Variants in RFX4 observed in about 807,000 individuals in gnomAD.
RFX4 encodes the protein regulatory factor X4.
Under a neutral mutation model 95.0 loss-of-function variants are expected in RFX4, and 10 were observed. That is an observed-to-expected ratio of 0.11 (90% CI 0.06 to 0.18). RFX4 has a LOEUF of 0.18. Among genes scored for constraint, RFX4 ranks in the 10% least tolerant of loss-of-function variants. The pLI, the probability that RFX4 is intolerant of heterozygous loss-of-function variation, is 1.00. For synonymous variants in RFX4, 321 were observed against 340.7 expected, an observed-to-expected ratio of 0.94 and a Z score of 0.64; for missense variants, 640 against 922.0, an observed-to-expected ratio of 0.69 and a Z score of 3.96.
At chr12:106,741,872 G>T (rs1593004679) in intron 15 of RFX4, among the ~76,000 whole-genome samples, 2 of 152,160 alleles carry the variant, frequency 1.3e-5, no homozygotes, top group South Asian at 4.2e-4. Context: ...CTCATAAGGA[G>T]TGTGCAACCT....
In RFX4 at chr12:106,622,972, A is replaced by G. The variant is rs368366657; in HGVS notation, c.130+14089A>G. On this transcript the variant is annotated intron_variant, in intron 2 of 17. Coordinates refer to ENST00000392842, the MANE Select transcript of RFX4 (RefSeq NM_213594.3). ...TGTCAAGAGTCTTGCCCAAAGTCAC[A>G]TAGCTGGTAAGTGGTAGAGTTGAGA... Among the ~76,000 whole-genome samples, 5 of 151,254 alleles carry G rather than the reference A, an allele frequency of 3.3e-5. No homozygotes were observed. The East Asian group carries it at 7.8e-4, about 24-fold the overall frequency.
At chr12:106,735,830 G>A (rs1221924719) in intron 15 of RFX4, among the ~76,000 whole-genome samples, 1 of 152,168 alleles carries the variant, frequency 6.6e-6, no homozygotes, top group Non-Finnish European at 1.5e-5. Flanking sequence ...AGAGACAAGT[G>A]TTATGGAAGG....
chr12:106,585,017 A>G (rs918008694), intron 1 of RFX4, among the ~76,000 whole-genome samples: 2 of 152,192 alleles, frequency 1.3e-5, no homozygotes, highest in African/African-American at 4.8e-5. Flanking sequence ...CTTTTCCACC[A>G]TTTTTTCATC....
rs114089659 is a variant in RFX4, at chr12:106,741,807, G to T, written c.1634-5630G>T. On this transcript the variant is annotated intron_variant, in intron 15 of 17. Transcript: ENST00000392842. ...TTTTTCTATAGACTGGGGAAGAGGT[G>T]GGGGGGATGGTTTCAGGATAAAACT... Among the ~76,000 whole-genome samples the T allele has an allele frequency of 3.6e-3, 550 of 152,218 alleles. 4 individuals carry two copies. Among genetic ancestry groups the T allele is most frequent in the African/African-American group, 0.013 (527 of 41,540 alleles).
chr12:106,719,416 T>C (rs1388553121), intron 11 of RFX4, among the ~76,000 whole-genome samples: 1 of 152,172 alleles, frequency 6.6e-6, no homozygotes, highest in Non-Finnish European at 1.5e-5. Context: ...CAAGAATTTG[T>C]TGGGTAACAA....
At chr12:106,639,287 T>G (rs767463282) in intron 2 of RFX4, 45 bp from the exon 3 acceptor site, 1 of 1,546,104 alleles carries the variant, frequency 6.5e-7, no homozygotes, top group Non-Finnish European at 8.9e-7. Context: ...TACTTTTTCC[T>G]ACTGTTTCCT....
In RFX4 at chr12:106,689,272, T is replaced by C. The variant is rs747181460; in HGVS notation, c.592-15T>C. 1 of 1,600,848 alleles carries C rather than the reference T, an allele frequency of 6.2e-7. No individual in the cohort carries two copies. Among genetic ancestry groups the C allele is most frequent in the East Asian group, 2.2e-5 (1 of 44,764 alleles). On this transcript the variant is annotated splice_polypyrimidine_tract_variant and intron_variant, in intron 6 of 17. Coordinates refer to ENST00000392842, the MANE Select transcript of RFX4 (RefSeq NM_213594.3). ...ATGTATGTCTTTGTTGTTGATCCTC[T>C]ACACACCCCCACAGGTTTCTACCTT...
At chr12:106,749,403 C>T (rs1395760562) in intron 16 of RFX4, among the ~76,000 whole-genome samples, 2 of 152,110 alleles carry the variant, frequency 1.3e-5, no homozygotes, top group African/African-American at 4.8e-5. Flanking sequence ...GTTGGCCCAG[C>T]ATAATGCAGC....
intron 14 of RFX4, 142 bp from the exon 15 acceptor site, chr12:106,732,782 A>G (rs2042637663): frequency 7.3e-6 from 5 of 681,236 alleles, no homozygotes; most frequent in Non-Finnish European, 1.2e-5. Context: ...CTTGAGTGTC[A>G]TGATGGTGAT....
At chr12:106,604,380 C>T (rs2039780810) in intron 1 of RFX4, among the ~76,000 whole-genome samples, 1 of 152,006 alleles carries the variant, frequency 6.6e-6, no homozygotes, top group South Asian at 2.1e-4. Context: ...CCTCAGCCTC[C>T]CAAAGTGCTG....
chr12:106,664,706 CTTTCA>C (rs1014601223), intron 4 of RFX4, among the ~76,000 whole-genome samples: 2 of 151,786 alleles, frequency 1.3e-5, no homozygotes, highest in Non-Finnish European at 3.0e-5. Context: ...CTACTCACTG[CTTTCA>C]TTTCATCTCA....
chr12:106,681,014 T>G (rs1052219465), intron 4 of RFX4: 2 of 152,208 alleles, frequency 1.3e-5, no homozygotes, highest in African/African-American at 4.8e-5. Context: ...TGACCTGTCA[T>G]GCCTCTCCAC....
intron 6 of RFX4, among the ~76,000 whole-genome samples, chr12:106,688,082 T>C (rs1262253518): frequency 6.8e-6 from 1 of 146,912 alleles, no homozygotes; most frequent in African/African-American, 2.5e-5. Flanking sequence ...TTTTTTTTTT[T>C]TTTTTGAGAT....
chr12:106,684,953 T>G, intron 5 of RFX4: 2 of 1,609,826 alleles, frequency 1.2e-6, no homozygotes, highest in Non-Finnish European at 1.7e-6. Flanking sequence ...GGTTTTGACG[T>G]GCTCATCTCT....
rs2042824365 is a variant in RFX4 at position 106,742,496 on chromosome 12, T to C, written c.1634-4941T>C. Among the ~76,000 whole-genome samples, 2 of 152,218 alleles carry C rather than the reference T, an allele frequency of 1.3e-5. 1 individual carries two copies. The highest frequency in any genetic ancestry group is 4.1e-4 in the South Asian group (2 of 4,836). On this transcript the variant is annotated intron_variant, in intron 15 of 17. Coordinates refer to ENST00000392842, the MANE Select transcript of RFX4 (RefSeq NM_213594.3). The stretch of plus-strand genomic sequence containing the variant: ...CTGCGCCTCGCCAGCTTCTGATTTT[T>C]AATGGCCCTTAACATACAGAATGTG...
intron 4 of RFX4, among the ~76,000 whole-genome samples, chr12:106,659,340 T>C (rs1418410658): frequency 6.6e-6 from 1 of 151,952 alleles, no homozygotes; most frequent in African/African-American, 2.4e-5. Context: ...TTAGGTGTGT[T>C]AGACTGAGAA....
At chr12:106,685,989 G>A (rs1043531658) in intron 5 of RFX4, among the ~76,000 whole-genome samples, 1 of 152,150 alleles carries the variant, frequency 6.6e-6, no homozygotes, top group African/African-American at 2.4e-5. Context: ...TGAAAACATT[G>A]CTAATATTAA....
At chr12:106,598,146 A>G (rs972935737) in intron 1 of RFX4, among the ~76,000 whole-genome samples, 1 of 152,146 alleles carries the variant, frequency 6.6e-6, no homozygotes, top group African/African-American at 2.4e-5. Flanking sequence ...TTAAGCCTAG[A>G]ATTCAGAAAA....
At chr12:106,612,742 G>A (rs1161598530) in intron 2 of RFX4, among the ~76,000 whole-genome samples, 2 of 151,974 alleles carry the variant, frequency 1.3e-5, no homozygotes. Flanking sequence ...GGAGGCTGAG[G>A]CACAAGCATA....
Sources: allele counts gnomAD v4.1 joint callset (sites outside exome capture counted in the v4.1 genomes callset), GRCh38; gene constraint gnomAD v4.1.1; transcripts MANE v1.5; gene names NCBI Gene and HGNC (gene_info 2026-07-23, HGNC 2026-07-21).